Variants in FYB2 observed in about 807,000 individuals in gnomAD.
The protein encoded by FYB2 is FYN-binding protein 2.
Under a neutral mutation model 94.1 loss-of-function variants are expected in FYB2, and 103 were observed. The observed-to-expected ratio is 1.09, with a 90% CI of 0.93 to 1.29. FYB2 has a LOEUF of 1.29. Among genes scored for constraint, FYB2 ranks in the 50% most tolerant of loss-of-function variants. FYB2 has a pLI of 0.00. For missense variants in FYB2, 896 were observed against 841.5 expected (o/e 1.06, Z -0.80); for synonymous variants, 293 against 287.9 (o/e 1.02, Z -0.18).
rs1382370858 is a variant in FYB2, at chr1:56,737,052, A to G, written c.1793+35T>C. The G allele has an allele frequency of 6.1e-6, 9 of 1,477,814 alleles. No homozygotes were observed. The East Asian group carries it at 2.1e-4, about 34-fold the overall frequency. The allele number at this position is 1,477,814 out of a possible 1,614,324, so 91.5% of individuals were successfully genotyped here. ...GAAAGCATCAGGAAATGGGTCAAATATCAGCAGGGATGACCAATAAGGTAA... is the reference window on the plus strand; with the variant it reads ...GAAAGCATCAGGAAATGGGTCAAATGTCAGCAGGGATGACCAATAAGGTAA... On this transcript the variant is annotated intron_variant, in intron 15 of 19. Transcript: ENST00000343433.
chr1:56,790,869 C>G (rs1646245787), intron 2 of FYB2, among the ~76,000 whole-genome samples: 1 of 151,950 alleles, frequency 6.6e-6, no homozygotes, highest in Non-Finnish European at 1.5e-5. Flanking sequence ...TGAACTTAGG[C>G]CTAAATGCAG....
intron 2 of FYB2, among the ~76,000 whole-genome samples, chr1:56,791,621 G>A (rs964929881): frequency 6.6e-6 from 1 of 152,148 alleles, no homozygotes; most frequent in Non-Finnish European, 1.5e-5. Flanking sequence ...AGAGCTTGCC[G>A]ACAGATTCAG....
At chr1:56,729,203 T>C (rs1027303770) in intron 15 of FYB2, among the ~76,000 whole-genome samples, 10 of 152,118 alleles carry the variant, frequency 6.6e-5, no homozygotes, top group Admixed American at 2.6e-4. Context: ...GTGGTCACAT[T>C]TGCACTTAAG....
At chr1:56,746,834 A>G (rs1025808381) in intron 9 of FYB2, among the ~76,000 whole-genome samples, 14 of 152,022 alleles carry the variant, frequency 9.2e-5, no homozygotes, top group South Asian at 4.1e-4. Context: ...TTGCTAGGTC[A>G]TAGGATATGC....
intron 17 of FYB2, among the ~76,000 whole-genome samples, chr1:56,722,300 A>G (rs1336179181): frequency 2.0e-5 from 3 of 152,110 alleles, no homozygotes; most frequent in African/African-American, 4.8e-5. Flanking sequence ...TATTTTATGC[A>G]TGTTTACAAA....
intron 3 of FYB2, 175 bp downstream of exon 3, chr1:56,788,798 A>T (rs529852527): frequency 1.1e-6 from 1 of 870,568 alleles, no homozygotes; most frequent in East Asian, 2.6e-5. Context: ...TAAAGGGCCA[A>T]TTCCCACAGA....
upstream of FYB2, among the ~76,000 whole-genome samples, chr1:56,823,268 C>T (rs72668396): frequency 2.8e-4 from 42 of 151,946 alleles, no homozygotes; most frequent in Admixed American, 2.0e-4. Flanking sequence ...CATTCCATGG[C>T]GGCTGCAAAA....
chr1:56,743,568 A>G lies in FYB2; in HGVS notation c.1543+458T>C, dbSNP rs576077975. Among the ~76,000 whole-genome samples the G allele has an allele frequency of 5.3e-5, 8 of 152,118 alleles. No homozygotes were observed. The South Asian group carries it at 1.7e-3, about 32-fold the overall frequency. On this transcript the variant is annotated intron_variant, in intron 11 of 19. Transcript: ENST00000343433. ...ATATCCTGCTGTTGGAGCTTGGCAA[A>G]TTATACAAGCTAAAAGAAGGTCAGC...
intron 1 of FYB2, among the ~76,000 whole-genome samples, chr1:56,817,282 A>C (rs916593544): frequency 9.2e-5 from 14 of 152,176 alleles, no homozygotes; most frequent in Admixed American, 6.5e-4. Flanking sequence ...CAGGGCGTTT[A>C]TATCTGCTGT....
intron 12 of FYB2, among the ~76,000 whole-genome samples, chr1:56,741,284 A>G (rs2100610256): frequency 6.6e-6 from 1 of 152,220 alleles, no homozygotes; most frequent in Non-Finnish European, 1.5e-5. Flanking sequence ...AAGACAAACT[A>G]CTGCAAGTAA....
At chr1:56,761,509 ACT>A (rs922011926) in intron 5 of FYB2, among the ~76,000 whole-genome samples, 5 of 152,042 alleles carry the variant, frequency 3.3e-5, no homozygotes, top group Non-Finnish European at 7.4e-5. Context: ...AGTCTCCAAG[ACT>A]CTTCAAAAAA....
chr1:56,774,350 G>A (rs1645827487), intron 4 of FYB2, among the ~76,000 whole-genome samples: 1 of 152,054 alleles, frequency 6.6e-6, no homozygotes, highest in South Asian at 2.1e-4. Context: ...TTTATGCCAT[G>A]CTTAGCGTAG....
At chr1:56,733,318 T>A (rs1318686120) in intron 15 of FYB2, among the ~76,000 whole-genome samples, 2 of 152,120 alleles carry the variant, frequency 1.3e-5, no homozygotes, top group Non-Finnish European at 2.9e-5. Context: ...GATTCTTCTC[T>A]ATTTTCTTCT....
chr1:56,789,183 T>C (rs780497833), intron 2 of FYB2, 49 bp from the exon 3 acceptor site: 107 of 1,525,646 alleles, frequency 7.0e-5, no homozygotes, highest in Non-Finnish European at 8.4e-5. Flanking sequence ...TTTCATTTCA[T>C]AGCTTGTGGG....
At chr1:56,749,544 T>C (rs1261570704) in intron 9 of FYB2, among the ~76,000 whole-genome samples, 1 of 152,002 alleles carries the variant, frequency 6.6e-6, no homozygotes, top group Non-Finnish European at 1.5e-5. Flanking sequence ...TTTTCAAATA[T>C]TTTTAAAATA....
chr1:56,775,123 TTAA>T (rs1389857682), intron 4 of FYB2, among the ~76,000 whole-genome samples: 1 of 152,164 alleles, frequency 6.6e-6, no homozygotes, highest in African/African-American at 2.4e-5. Context: ...TCAATACTCC[TTAA>T]TAATCTCTCG....
chr1:56,755,212 A>G (rs1173433040), intron 7 of FYB2, among the ~76,000 whole-genome samples: 1 of 152,106 alleles, frequency 6.6e-6, no homozygotes, highest in East Asian at 1.9e-4. Flanking sequence ...AAAAACATTA[A>G]AACATTGGCC....
chr1:56,811,883 TGTTTTTCTACATCGACTTTTCA>T (rs1322642213), intron 1 of FYB2, among the ~76,000 whole-genome samples: 1 of 152,232 alleles, frequency 6.6e-6, no homozygotes. Flanking sequence ...AATGCTGCTT[TGTTTTTCTACATCGACTTTTCA>T]GTTGTTAAAA....
intron 12 of FYB2, 72 bp from the exon 13 acceptor site, chr1:56,740,867 T>A: frequency 1.0e-6 from 1 of 965,932 alleles, no homozygotes. Context: ...TGTTGTATTA[T>A]AAAATCAAAT....
Sources: allele counts gnomAD v4.1 joint callset (sites outside exome capture counted in the v4.1 genomes callset), GRCh38; gene constraint gnomAD v4.1.1; transcripts MANE v1.5; gene names NCBI Gene and HGNC (gene_info 2026-07-23, HGNC 2026-07-21).